The following EVC2 variants were observed in gnomAD, a reference collection of about 807,000 sequenced individuals.
EVC2 encodes EvC ciliary complex subunit 2.
Under a neutral mutation model 149.3 loss-of-function variants are expected in EVC2, and 148 were observed. The observed-to-expected ratio is 0.99, with a 90% CI of 0.87 to 1.14. EVC2 has a LOEUF of 1.14. Ranked by LOEUF, EVC2 falls within the 50% of genes most tolerant of loss-of-function variation. EVC2 has a pLI of 0.00. For synonymous variants in EVC2, 776 were observed against 649.9 expected (o/e 1.19, Z -2.95); for missense variants, 1,854 against 1,627.3 (o/e 1.14, Z -2.40).
At chr4:5,651,411 G>A (rs1332750426) in intron 9 of EVC2, among the ~76,000 whole-genome samples, 4 of 152,106 alleles carry the variant, frequency 2.6e-5, no homozygotes, top group Non-Finnish European at 5.9e-5. Context: ...AAGGACAGAT[G>A]AGTAAATGGA....
intron 1 of EVC2, among the ~76,000 whole-genome samples, chr4:5,706,691 C>A (rs1456484468): frequency 6.6e-6 from 1 of 152,000 alleles, no homozygotes; most frequent in Non-Finnish European, 1.5e-5. Flanking sequence ...CACACATGGC[C>A]AGAGCTCTTT....
intron 17 of EVC2, among the ~76,000 whole-genome samples, chr4:5,579,234 G>A (rs1311108670): frequency 6.6e-6 from 1 of 152,138 alleles, no homozygotes; most frequent in Non-Finnish European, 1.5e-5. Context: ...GGCTTTGGAG[G>A]CAGGTTTAAA....
At position 5,696,259 on chromosome 4, in the gene EVC2, G is replaced by A. The variant is rs889764368; in HGVS notation, c.283+1334C>T. Among the ~76,000 whole-genome samples, 1 of 152,184 alleles carries A rather than the reference G, an allele frequency of 6.6e-6. No homozygotes were observed. Among genetic ancestry groups the A allele is most frequent in the African/African-American group, 2.4e-5 (1 of 41,454 alleles). On this transcript the variant is annotated intron_variant, in intron 2 of 21. Transcript: ENST00000344408. The surrounding 1 kb of genome is among the most constrained non-coding windows in gnomAD (Gnocchi z 4.1). ...CTCCATCTCTGGTCCACCCGTTTAT[G>A]CCTCTCTGGCTCTCCTGGTCCTCAG...
At chr4:5,703,394 TAGAG>T (rs1721950491) in intron 1 of EVC2, among the ~76,000 whole-genome samples, 1 of 152,170 alleles carries the variant, frequency 6.6e-6, no homozygotes, top group South Asian at 2.1e-4. Context: ...TTCAGGAGAA[TAGAG>T]ACTCAGGCAC....
chr4:5,550,934 G>A (rs559776129), intron 21 of EVC2, among the ~76,000 whole-genome samples: 13 of 152,372 alleles, frequency 8.5e-5, no homozygotes, highest in Admixed American at 5.2e-4. Flanking sequence ...TGGCAGCCAC[G>A]TGGTGTTGAG....
At position 5,637,766 on chromosome 4, in the gene EVC2, T is replaced by C. The variant is rs1716985704; in HGVS notation, c.1470+2748A>G. On this transcript the variant is annotated intron_variant, in intron 10 of 21. Coordinates refer to ENST00000344408, the MANE Select transcript of EVC2 (RefSeq NM_147127.5). This position sits in a 1 kb window ranked among gnomAD's most constrained non-coding sequence, Gnocchi z 4.4. ...AATAGAAACTCAACAATGGGCAGAA[T>C]GAATGATCCTCTGCCACTGAGTTGT... is the stretch of plus-strand genomic sequence containing the variant. Among the ~76,000 whole-genome samples the C allele has an allele frequency of 6.6e-6, 1 of 151,716 alleles. No individual in the cohort carries two copies. The highest frequency in any genetic ancestry group is 1.5e-5 in the Non-Finnish European group (1 of 67,964).
At chr4:5,598,357 G>T (rs1387456820) in intron 16 of EVC2, among the ~76,000 whole-genome samples, 2 of 150,610 alleles carry the variant, frequency 1.3e-5, no homozygotes, top group African/African-American at 4.8e-5. Flanking sequence ...CATGGTACTG[G>T]TACCAAAACA....
At chr4:5,541,544 C>A (rs1321103273), downstream of EVC2, among the ~76,000 whole-genome samples, 1 of 152,202 alleles carries the variant, frequency 6.6e-6, no homozygotes, top group Non-Finnish European at 1.5e-5. Context: ...TCCTTTCCCT[C>A]CGTACATGTT....
At chr4:5,689,373 G>A in intron 4 of EVC2, 30 bp from the exon 5 acceptor site, 1 of 1,612,732 alleles carries the variant, frequency 6.2e-7, no homozygotes, top group Non-Finnish European at 8.5e-7. Context: ...CATGAGGGCA[G>A]ATTTGCTGAC....
rs1002188349 is a variant in EVC2 at position 5,633,573 on chromosome 4, T to C, written c.1471-1541A>G. Reference sequence around the variant, plus strand: ...TCAAGGCAGTGACAGTGGAGCTTGTTGGTGAAGCGAAGGCAGGGAAAGGCT... The same window carrying C: ...TCAAGGCAGTGACAGTGGAGCTTGTCGGTGAAGCGAAGGCAGGGAAAGGCT... On this transcript the variant is annotated intron_variant, in intron 10 of 21. Coordinates refer to ENST00000344408, the MANE Select transcript of EVC2 (RefSeq NM_147127.5). This position sits in a 1 kb window ranked among gnomAD's most constrained non-coding sequence, Gnocchi z 4.4. Among the ~76,000 whole-genome samples the C allele has an allele frequency of 6.6e-6, 1 of 152,172 alleles. No individual in the cohort carries two copies. The highest frequency in any genetic ancestry group is 1.5e-5 in the Non-Finnish European group (1 of 68,032).
At position 5,633,970 on chromosome 4, in the gene EVC2, C is replaced by T. The variant is rs1716727414; in HGVS notation, c.1471-1938G>A. Among the ~76,000 whole-genome samples, 1 of 152,186 alleles carries T rather than the reference C, an allele frequency of 6.6e-6. No homozygotes were observed. Among genetic ancestry groups the T allele is most frequent in the Non-Finnish European group, 1.5e-5 (1 of 68,038 alleles). On this transcript the variant is annotated intron_variant, in intron 10 of 21. Coordinates refer to ENST00000344408, the MANE Select transcript of EVC2 (RefSeq NM_147127.5). This position sits in a 1 kb window ranked among gnomAD's most constrained non-coding sequence, Gnocchi z 4.4. The stretch of plus-strand genomic sequence containing the variant: ...TTGTTTGATTTGTTCAGAATCTGGG[C>T]CAGAAAGACAAGCATTATTTAGAGC...
At chr4:5,642,419 G>T in intron 9 of EVC2, among the ~76,000 whole-genome samples, 1 of 151,976 alleles carries the variant, frequency 6.6e-6, no homozygotes, top group East Asian at 1.9e-4. Context: ...TCTTCCAGTG[G>T]TATTTAACAA....
the EVC2 span, among the ~76,000 whole-genome samples, chr4:5,531,783 A>G: frequency 1.1e-4 from 16 of 152,130 alleles, no homozygotes; most frequent in African/African-American, 2.7e-4. Context: ...ATTTCATTAT[A>G]TATTACAATG....
rs114596168 is a variant in EVC2 at position 5,656,367 on chromosome 4, T to C, written c.1145+6740A>G. 6.6e-3 allele frequency among the ~76,000 whole-genome samples: 1,009 copies of C among 152,296 alleles called. 7 individuals carry two copies. The highest frequency in any genetic ancestry group is 0.01 in the Non-Finnish European group (686 of 68,014). On this transcript the variant is annotated intron_variant, in intron 9 of 21. Transcript: ENST00000344408. Reference sequence around the variant, plus strand: ...TTCTCGAGGTCCCTCAAGTCTCCACTTCCTTCCTCATCCTCTTGAGATGTT... The same window carrying C: ...TTCTCGAGGTCCCTCAAGTCTCCACCTCCTTCCTCATCCTCTTGAGATGTT...
rs111826210 is a variant in EVC2, at chr4:5,632,076, C to T, written c.1471-44G>A. The T allele has an allele frequency of 8.2e-4, 1,323 of 1,610,354 alleles. 10 individuals are homozygous for T. The African/African-American group carries it at 0.015, about 19-fold the overall frequency. Reference sequence around the variant, plus strand: ...GAGCGTGAGAAACTGACACACTGAACATGCACCTACATGTGCATGCAATGC... The same window carrying T: ...GAGCGTGAGAAACTGACACACTGAATATGCACCTACATGTGCATGCAATGC... On this transcript the variant is annotated intron_variant, in intron 10 of 21. Coordinates refer to ENST00000344408, the MANE Select transcript of EVC2 (RefSeq NM_147127.5).
chr4:5,598,802 A>C (rs1713703159), intron 16 of EVC2, among the ~76,000 whole-genome samples: 1 of 152,170 alleles, frequency 6.6e-6, no homozygotes, highest in Non-Finnish European at 1.5e-5. Flanking sequence ...ATGGGAGAAA[A>C]TTTTTGCAAC....
chr4:5,568,338 T>A, intron 20 of EVC2, 106 bp downstream of exon 20: 1 of 1,188,694 alleles, frequency 8.4e-7, no homozygotes, highest in Non-Finnish European at 1.1e-6. Flanking sequence ...GTAACAAAAT[T>A]AAAAAGTATG....
At chr4:5,575,712 C>T (rs1722884550) in intron 18 of EVC2, among the ~76,000 whole-genome samples, 1 of 152,184 alleles carries the variant, frequency 6.6e-6, no homozygotes, top group Non-Finnish European at 1.5e-5. Flanking sequence ...ATTCTTAATG[C>T]CACAGCCAAG....
intron 16 of EVC2, among the ~76,000 whole-genome samples, chr4:5,611,860 T>G (rs1418933712): frequency 6.6e-6 from 1 of 152,246 alleles, no homozygotes; most frequent in African/African-American, 2.4e-5. Context: ...CAGGCAGCTG[T>G]AACCTAAGCG....
Sources: allele counts gnomAD v4.1 joint callset (sites outside exome capture counted in the v4.1 genomes callset), GRCh38; gene constraint gnomAD v4.1.1; non-coding constraint Gnocchi (gnomAD v3.1); transcripts MANE v1.5; gene names NCBI Gene and HGNC (gene_info 2026-07-23, HGNC 2026-07-21).